Variants in PRELID2 observed in about 807,000 individuals in gnomAD.
PRELID2 encodes PRELI domain containing 2, also known as PRELI domain-containing protein 2.
PRELID2 carries 25 observed loss-of-function variants against 28.4 expected under a neutral mutation model. That is an observed-to-expected ratio of 0.88 (90% confidence interval 0.64 to 1.23). PRELID2 has a LOEUF of 1.23. Ranked by LOEUF, PRELID2 falls within the 50% of genes most tolerant of loss-of-function variation. PRELID2 has a pLI of 0.00. For synonymous variants in PRELID2, 76 were observed against 71.6 expected (o/e 1.06, Z -0.31); for missense variants, 201 against 214.4 (o/e 0.94, Z 0.39).
intron 5 of PRELID2, among the ~76,000 whole-genome samples, chr5:145,774,126 T>C (rs934319067): frequency 1.3e-5 from 2 of 152,244 alleles, no homozygotes; most frequent in Admixed American, 1.3e-4. Context: ...GATAATTTAT[T>C]ATGGGGTTAC....
rs70998036 is a variant in PRELID2 at position 145,758,994 on chromosome 5, A to ATTTTTTTTTTT, written c.*1531_*1541dup. ...CCAAGACTCTCCAGTAACGGCCTGAATTTTTTTTTTTTTTTTTTTTTTTTG... is the reference window on the plus strand; with the variant it reads ...CCAAGACTCTCCAGTAACGGCCTGAATTTTTTTTTTTTTTTTTTTTTTTTTTTTTTTTTTTG... On this transcript the variant is annotated 3_prime_UTR_variant, in exon 7 of 7. Coordinates refer to ENST00000683046, the MANE Select transcript of PRELID2 (RefSeq NM_205846.3). 2.5e-4 allele frequency: 23 copies of ATTTTTTTTTTT among 90,592 alleles called. 1 individual carries two copies. Among genetic ancestry groups the ATTTTTTTTTTT allele is most frequent in the East Asian group, 1.1e-3 (3 of 2,748 alleles). 5.6% of individuals were successfully genotyped at this position (90,592 alleles called of 1,614,324 possible).
At chr5:145,463,342 G>GTT in the PRELID2 span, among the ~76,000 whole-genome samples, 906 of 135,770 alleles carry the variant, frequency 6.7e-3, 11 homozygotes, top group East Asian at 0.051. Context: ...CCTATTTGAA[G>GTT]TTTTTTTTTT....
At chr5:145,642,820 G>A (rs1468606047) in intron 1 of PRELID2, among the ~76,000 whole-genome samples, 3 of 152,164 alleles carry the variant, frequency 2.0e-5, no homozygotes, top group Non-Finnish European at 2.9e-5. Flanking sequence ...AAGATCAGAT[G>A]TTTGTAGATG....
chr5:145,740,304 ATATATATAT>A (rs1756629698), intron 1 of PRELID2, among the ~76,000 whole-genome samples: 1 of 101,204 alleles, frequency 9.9e-6, no homozygotes. Context: ...ATATATATAT[ATATATATAT>A]ATATATAAAT....
intron 1 of PRELID2, among the ~76,000 whole-genome samples, chr5:145,502,446 T>C (rs759342326): frequency 2.6e-4 from 39 of 152,094 alleles, no homozygotes; most frequent in Non-Finnish European, 4.6e-4. Context: ...ATCCAATCTG[T>C]ATTAAGATGA....
chr5:145,772,106 T>A (rs1379545325), intron 5 of PRELID2, among the ~76,000 whole-genome samples: 1 of 152,102 alleles, frequency 6.6e-6, no homozygotes, highest in Non-Finnish European at 1.5e-5. Context: ...CACCTAATAA[T>A]AATCTAAAAT....
intron 1 of PRELID2, among the ~76,000 whole-genome samples, chr5:145,567,578 A>G (rs1289418759): frequency 6.6e-6 from 1 of 152,090 alleles, no homozygotes; most frequent in Non-Finnish European, 1.5e-5. Context: ...GGGTTTCACC[A>G]TTTTGGCCAG....
chr5:145,461,505 T>G, the PRELID2 span, among the ~76,000 whole-genome samples: 1 of 152,194 alleles, frequency 6.6e-6, no homozygotes, highest in East Asian at 1.9e-4. Context: ...GGTTTCACCA[T>G]GTTAGCCAGG....
the PRELID2 span, among the ~76,000 whole-genome samples, chr5:145,295,225 A>C: frequency 6.6e-6 from 1 of 152,204 alleles, no homozygotes; most frequent in Non-Finnish European, 1.5e-5. Context: ...CCTGCAAAAA[A>C]ATTGATTTCT....
intron 1 of PRELID2, among the ~76,000 whole-genome samples, chr5:145,608,375 G>A (rs900626203): frequency 6.6e-5 from 10 of 152,060 alleles, no homozygotes; most frequent in African/African-American, 2.2e-4. Context: ...TGTGATGGCT[G>A]GTAACAGTCT....
At chr5:145,392,152 C>T in the PRELID2 span, among the ~76,000 whole-genome samples, 5 of 152,250 alleles carry the variant, frequency 3.3e-5, no homozygotes, top group East Asian at 7.7e-4. Flanking sequence ...ACTGTATTAG[C>T]CCATTCTCAC....
the PRELID2 span, among the ~76,000 whole-genome samples, chr5:145,259,055 T>A: frequency 1.3e-5 from 2 of 152,162 alleles, no homozygotes; most frequent in Non-Finnish European, 2.9e-5. Context: ...GTGCAAGACA[T>A]AAGCCTTGGC....
intron 1 of PRELID2, among the ~76,000 whole-genome samples, chr5:145,741,576 T>C (rs1382868560): frequency 5.8e-5 from 1 of 17,310 alleles, no homozygotes; most frequent in African/African-American, 1.4e-4. Context: ...AATTTATTTA[T>C]AAATAATTTA....
At chr5:145,792,101 C>T (rs1752435080) in intron 5 of PRELID2, among the ~76,000 whole-genome samples, 2 of 152,122 alleles carry the variant, frequency 1.3e-5, no homozygotes, top group Admixed American at 1.3e-4. Context: ...TATCACATCG[C>T]CTCACTCTGG....
At chr5:145,641,964 G>T (rs370349806) in intron 1 of PRELID2, among the ~76,000 whole-genome samples, 1 of 152,096 alleles carries the variant, frequency 6.6e-6, no homozygotes, top group Admixed American at 6.5e-5. Context: ...GAATAGTGCC[G>T]CAATATACAT....
chr5:145,399,497 C>T, the PRELID2 span, among the ~76,000 whole-genome samples: 1 of 152,088 alleles, frequency 6.6e-6, no homozygotes, highest in Non-Finnish European at 1.5e-5. Flanking sequence ...AGAATCTTCA[C>T]TTTCTCAAAA....
chr5:145,385,343 TGCCCTG>T, the PRELID2 span, among the ~76,000 whole-genome samples: 2 of 152,194 alleles, frequency 1.3e-5, no homozygotes, highest in African/African-American at 4.8e-5. Flanking sequence ...TCTTTATCAC[TGCCCTG>T]AGTTATTTGT....
intron 1 of PRELID2, among the ~76,000 whole-genome samples, chr5:145,747,687 C>T (rs1159917120): frequency 2.0e-5 from 3 of 151,726 alleles, no homozygotes; most frequent in Admixed American, 6.6e-5. Context: ...ATACCAAAAC[C>T]AGGAAGAGAT....
At chr5:145,583,698 A>G (rs1183773072) in intron 1 of PRELID2, among the ~76,000 whole-genome samples, 1 of 152,098 alleles carries the variant, frequency 6.6e-6, no homozygotes, top group Non-Finnish European at 1.5e-5. Context: ...CGATTGCTAC[A>G]AAAAGAGTAA....
Sources: allele counts gnomAD v4.1 joint callset (sites outside exome capture counted in the v4.1 genomes callset), GRCh38; gene constraint gnomAD v4.1.1; transcripts MANE v1.5; gene names NCBI Gene and HGNC (gene_info 2026-07-23, HGNC 2026-07-21).